The following DSCAM variants were observed in gnomAD, a reference collection of about 807,000 sequenced individuals.
The protein encoded by DSCAM is DS cell adhesion molecule.
In DSCAM, 47 loss-of-function variants were observed where a neutral mutation model predicts 217.7. The observed-to-expected ratio is 0.22, with a 90% confidence interval of 0.17 to 0.28. DSCAM has a LOEUF of 0.28. Among genes scored for constraint, DSCAM ranks in the 10% least tolerant of loss-of-function variants. DSCAM has a pLI of 1.00. For missense variants in DSCAM, 2,080 were observed against 2,618.3 expected (o/e 0.79, Z 4.49); for synonymous variants, 1,056 against 1,015.3 (o/e 1.04, Z -0.76).
intron 1 of DSCAM, among the ~76,000 whole-genome samples, chr21:40,718,549 C>T (rs541230295): frequency 1.3e-5 from 2 of 152,208 alleles, no homozygotes; most frequent in South Asian, 2.1e-4. Context: ...CGTCAGATCT[C>T]GTGAGACTTA....
At chr21:40,236,764 T>A (rs923856015) in intron 11 of DSCAM, among the ~76,000 whole-genome samples, 3 of 152,146 alleles carry the variant, frequency 2.0e-5, no homozygotes, top group African/African-American at 7.2e-5. Context: ...CCATGACTGA[T>A]CTACAGTAAG....
chr21:40,726,913 A>G (rs539146947), intron 1 of DSCAM, among the ~76,000 whole-genome samples: 2 of 152,266 alleles, frequency 1.3e-5, no homozygotes, highest in South Asian at 2.1e-4. Flanking sequence ...CTTTATAAGA[A>G]GAGGAGGAGA....
intron 27 of DSCAM, among the ~76,000 whole-genome samples, chr21:40,070,201 AGAGAGAGAAAAAAG>A (rs2089271072): frequency 6.9e-6 from 1 of 144,794 alleles, no homozygotes; most frequent in South Asian, 2.4e-4. Context: ...AGAGAGAGGG[AGAGAGAGAAAAAAG>A]GAGAGAGAAG....
chr21:40,725,042 G>A (rs116384933), intron 1 of DSCAM, among the ~76,000 whole-genome samples: 2,203 of 151,532 alleles, frequency 0.015, 49 homozygotes, highest in African/African-American at 0.051. Flanking sequence ...ACTCTTTAAG[G>A]ATTGACTCCA....
intron 1 of DSCAM, among the ~76,000 whole-genome samples, chr21:40,824,129 G>A (rs904070389): frequency 2.0e-5 from 3 of 152,002 alleles, no homozygotes; most frequent in African/African-American, 7.3e-5. Context: ...GGCTCCCTCT[G>A]TCCCCCAGCC....
intron 8 of DSCAM, among the ~76,000 whole-genome samples, chr21:40,319,497 A>G (rs1474156768): frequency 1.3e-5 from 2 of 152,182 alleles, no homozygotes; most frequent in Non-Finnish European, 2.9e-5. Context: ...ACCAATGGAC[A>G]CTTAAGTTGT....
intron 1 of DSCAM, among the ~76,000 whole-genome samples, chr21:40,757,327 T>C (rs1212639138): frequency 6.6e-6 from 1 of 152,184 alleles, no homozygotes; most frequent in Admixed American, 6.5e-5. Flanking sequence ...GCCCAGCCCA[T>C]GTGTATATAT....
chr21:40,661,378 T>C (rs537361104), intron 3 of DSCAM, among the ~76,000 whole-genome samples: 76 of 152,348 alleles, frequency 5.0e-4, no homozygotes, highest in African/African-American at 1.7e-3. Context: ...ACCTGGTTTT[T>C]GTTTTCTTTC....
intron 1 of DSCAM, among the ~76,000 whole-genome samples, chr21:40,780,104 G>A (rs1209035222): frequency 6.6e-6 from 1 of 152,096 alleles, no homozygotes. Flanking sequence ...AGATGTCATC[G>A]TCTCCATTTG....
At chr21:40,327,572 TC>T (rs1197153121) in intron 8 of DSCAM, among the ~76,000 whole-genome samples, 1 of 152,128 alleles carries the variant, frequency 6.6e-6, no homozygotes, top group African/African-American at 2.4e-5. Context: ...GGCTGAGACT[TC>T]CAGTGACATG....
rs143050923 is a variant in DSCAM at position 40,190,652 on chromosome 21, C to G, written c.2357-1414G>C. Among the ~76,000 whole-genome samples the G allele has an allele frequency of 2.9e-4, 44 of 152,302 alleles. No homozygotes were observed. The East Asian group carries it at 7.9e-3, about 27-fold the overall frequency. On this transcript the variant is annotated intron_variant, in intron 11 of 32. Transcript: ENST00000400454. The stretch of plus-strand genomic sequence containing the variant: ...AGTCAAATTCATGCTAAAGCTTTAA[C>G]ATGAAGGTGACCGTAATTTGATAAT...
intron 5 of DSCAM, among the ~76,000 whole-genome samples, chr21:40,350,681 G>A (rs1380881540): frequency 6.6e-6 from 1 of 151,932 alleles, no homozygotes; most frequent in Non-Finnish European, 1.5e-5. Flanking sequence ...GATATCAAGG[G>A]TGCATAGAAC....
chr21:40,358,016 G>A (rs180851736), intron 4 of DSCAM, among the ~76,000 whole-genome samples: 2 of 152,300 alleles, frequency 1.3e-5, no homozygotes, highest in African/African-American at 2.4e-5. Context: ...AGAGTAGGAA[G>A]TAGAAGTAGA....
At chr21:40,081,116 T>C (rs8130946) in intron 24 of DSCAM, among the ~76,000 whole-genome samples, 21,500 of 152,126 alleles carry the variant, frequency 0.14, 1,653 homozygotes, top group East Asian at 0.25. Flanking sequence ...GAAAGGAGGA[T>C]GCAGATCCTG....
intron 16 of DSCAM, among the ~76,000 whole-genome samples, chr21:40,149,132 T>C (rs1335790872): frequency 6.8e-6 from 1 of 148,090 alleles, no homozygotes; most frequent in Non-Finnish European, 1.5e-5. Context: ...ACTATTCCAA[T>C]ATTAACATCA....
chr21:40,667,113 C>T (rs776491951), intron 3 of DSCAM, among the ~76,000 whole-genome samples: 1 of 152,212 alleles, frequency 6.6e-6, no homozygotes, highest in East Asian at 1.9e-4. Context: ...TCTCCTTTGT[C>T]CCCAACATGC....
At chr21:40,319,483 A>T (rs73371753) in intron 8 of DSCAM, among the ~76,000 whole-genome samples, 2 of 151,844 alleles carry the variant, frequency 1.3e-5, no homozygotes, top group Non-Finnish European at 1.5e-5. Flanking sequence ...TTATCCATTC[A>T]TCTACCAATG....
intron 32 of DSCAM, among the ~76,000 whole-genome samples, chr21:40,031,486 C>T (rs866665930): frequency 2.6e-5 from 4 of 152,190 alleles, no homozygotes; most frequent in African/African-American, 9.7e-5. Flanking sequence ...TAAATTAACA[C>T]TCCTCACAGT....
intron 9 of DSCAM, among the ~76,000 whole-genome samples, chr21:40,304,599 C>G (rs1488986588): frequency 6.6e-6 from 1 of 152,244 alleles, no homozygotes; most frequent in Non-Finnish European, 1.5e-5. Context: ...GCAATCATTT[C>G]TAGCTTTTGA....
Sources: gnomAD v4.1 joint callset for allele counts (sites outside exome capture counted in the v4.1 genomes callset) on GRCh38, gnomAD v4.1.1 for gene constraint, MANE v1.5 for transcripts, NCBI Gene and HGNC (gene_info 2026-07-23, HGNC 2026-07-21) for gene names.